MASP1: variants seen among roughly 807,000 people sequenced by gnomAD.
MASP1 encodes the protein mannan-binding lectin serine protease 1.
Under a neutral mutation model 77.1 loss-of-function variants are expected in MASP1, and 59 were observed. The observed-to-expected ratio is 0.77, with a 90% CI of 0.62 to 0.95. The LOEUF (loss-of-function observed/expected upper bound fraction) is 0.95, where lower values mean the gene tolerates loss of function less well. Ranked by LOEUF, MASP1 falls within the 40% of genes least tolerant of loss-of-function variation. The pLI is 0.00. For missense variants in MASP1, 885 were observed against 912.9 expected, an observed-to-expected ratio of 0.97 and a Z score of 0.39; for synonymous variants, 362 against 354.5, an observed-to-expected ratio of 1.02 and a Z score of -0.24.
intron 1 of MASP1, among the ~76,000 whole-genome samples, chr3:187,289,175 C>T (rs1718098269): frequency 7.1e-6 from 1 of 140,520 alleles, no homozygotes; most frequent in African/African-American, 3.0e-5. Flanking sequence ...ATTTCAGAGG[C>T]CCCCCGTAGG....
At chr3:187,280,450 G>A (rs748413678) in intron 2 of MASP1, among the ~76,000 whole-genome samples, 50 of 152,278 alleles carry the variant, frequency 3.3e-4, no homozygotes, top group Middle Eastern at 3.4e-3. Context: ...AAATTGGAAC[G>A]TGTAATCTGC....
downstream of MASP1, among the ~76,000 whole-genome samples, chr3:187,232,247 T>C (rs1009908547): frequency 1.3e-4 from 20 of 150,848 alleles, no homozygotes; most frequent in Non-Finnish European, 2.6e-4. Context: ...CCTTTTTTTT[T>C]CCTTGGGGCC....
chr3:187,253,420 G>A (rs974013295), intron 5 of MASP1, 105 bp from the exon 6 acceptor site: 2 of 1,143,526 alleles, frequency 1.7e-6, no homozygotes, highest in African/African-American at 1.5e-5. Context: ...TTTTCTGGAA[G>A]CTTCCATATG....
intron 14 of MASP1, among the ~76,000 whole-genome samples, chr3:187,221,725 C>T (rs1712071308): frequency 6.6e-6 from 1 of 152,192 alleles, no homozygotes; most frequent in Non-Finnish European, 1.5e-5. Context: ...GTTGTCCTCC[C>T]TCTCTACAGT....
intron 13 of MASP1, among the ~76,000 whole-genome samples, chr3:187,223,415 CTTG>C (rs1712187301): frequency 6.6e-6 from 1 of 152,192 alleles, no homozygotes; most frequent in African/African-American, 2.4e-5. Flanking sequence ...TACTGGCTTA[CTTG>C]TTTAGTTTTC....
chr3:187,243,404 A>G, intron 9 of MASP1, 80 bp downstream of exon 9: 2 of 1,447,436 alleles, frequency 1.4e-6, no homozygotes, highest in Non-Finnish European at 1.9e-6. Context: ...TTCCTTTCAC[A>G]GCTGTCTCGG....
At chr3:187,281,151 C>T (rs1717377016) in intron 2 of MASP1, among the ~76,000 whole-genome samples, 1 of 152,250 alleles carries the variant, frequency 6.6e-6, no homozygotes, top group Admixed American at 6.5e-5. Flanking sequence ...ATTGCAGCCA[C>T]ATGCCAAGGA....
chr3:187,235,673 A>T lies in MASP1; in HGVS notation c.*11T>A. On this transcript the variant is annotated 3_prime_UTR_variant, in exon 11 of 11. Transcript: ENST00000296280. ...GCTCAGGGGAGGCAGGCCCCGAGGAAGTAAGTCAGCTCACCGTTCCACCTG... is the reference window on the plus strand; with the variant it reads ...GCTCAGGGGAGGCAGGCCCCGAGGATGTAAGTCAGCTCACCGTTCCACCTG... The T allele has an allele frequency of 6.2e-7, 1 of 1,613,994 alleles. No individual in the cohort carries two copies. Among genetic ancestry groups the T allele is most frequent in the Non-Finnish European group, 8.5e-7 (1 of 1,180,020 alleles).
intron 9 of MASP1, 23 bp from the exon 10 acceptor site, chr3:187,241,578 G>A (rs371524482): frequency 8.8e-5 from 130 of 1,485,366 alleles, no homozygotes; most frequent in Non-Finnish European, 1.1e-4. Context: ...AAGAGGTTAG[G>A]AGAGGAGGGA....
At chr3:187,231,844 G>T (rs1182075351), downstream of MASP1, among the ~76,000 whole-genome samples, 1 of 152,238 alleles carries the variant, frequency 6.6e-6, no homozygotes, top group African/African-American at 2.4e-5. Flanking sequence ...AAAACATGGA[G>T]AACTGAACAT....
chr3:187,227,585 T>C (rs1712509704), intron 11 of MASP1, among the ~76,000 whole-genome samples: 1 of 152,140 alleles, frequency 6.6e-6, no homozygotes, highest in Non-Finnish European at 1.5e-5. Context: ...AAGTGCTTAG[T>C]CTCAGAGCAG....
intron 8 of MASP1, chr3:187,246,465 C>T (rs1714087787): frequency 1.0e-6 from 1 of 985,290 alleles, no homozygotes; most frequent in Non-Finnish European, 1.2e-6. Context: ...CTCCAGACTG[C>T]CCAGGGTTCT....
chr3:187,261,448 A>G (rs772005756), intron 3 of MASP1, among the ~76,000 whole-genome samples: 2 of 152,180 alleles, frequency 1.3e-5, no homozygotes, highest in Non-Finnish European at 2.9e-5. Flanking sequence ...GGATAAACCA[A>G]TGGCCAACAA....
In MASP1 at chr3:187,234,497, T is replaced by G; in HGVS notation, c.*1187A>C. On this transcript the variant is annotated 3_prime_UTR_variant, in exon 11 of 11. Coordinates refer to ENST00000296280, the MANE Select transcript of MASP1 (RefSeq NM_139125.4). Reference sequence around the variant, plus strand: ...AAAGAAAATGATTTTTCAAAGGTTATACAGCCAGTTGGGGGCAGAGCAGGG... The same window carrying G: ...AAAGAAAATGATTTTTCAAAGGTTAGACAGCCAGTTGGGGGCAGAGCAGGG... 7.8e-7 allele frequency: 1 copy of G among 1,286,226 alleles called. No homozygotes were observed. The highest frequency in any genetic ancestry group is 1.0e-6 in the Non-Finnish European group (1 of 987,752). The allele number at this position is 1,286,226 out of a possible 1,614,324, so 79.7% of individuals were successfully genotyped here. A position where few individuals can be genotyped will look rare whatever the true frequency, so the allele number is the denominator to read the frequency against.
chr3:187,219,650 G>C (rs1711920276), exon 16 of MASP1: 1 of 255,036 alleles, frequency 3.9e-6, no homozygotes, highest in Middle Eastern at 1.5e-3. Flanking sequence ...CGTCTGCCTG[G>C]TAGACACATC....
intron 12 of MASP1, chr3:187,226,126 A>G (rs1712411506): frequency 4.3e-6 from 2 of 461,296 alleles, no homozygotes; most frequent in South Asian, 4.1e-5. Flanking sequence ...ATTTGAAACC[A>G]CAGGTTCATG....
chr3:187,219,891 G>C (rs2108496226), exon 16 of MASP1: 2 of 670,900 alleles, frequency 3.0e-6, no homozygotes, highest in Middle Eastern at 4.0e-4. Flanking sequence ...CCACTCTCTT[G>C]CTCCATCTCT....
At chr3:187,276,369 C>G (rs575113849) in intron 2 of MASP1, among the ~76,000 whole-genome samples, 1 of 152,370 alleles carries the variant, frequency 6.6e-6, no homozygotes, top group South Asian at 2.1e-4. Context: ...GTTCTAATTA[C>G]TGCTGTACCC....
intron 5 of MASP1, 94 bp from the exon 6 acceptor site, chr3:187,253,409 G>A: frequency 7.6e-7 from 1 of 1,319,164 alleles, no homozygotes; most frequent in Admixed American, 1.7e-5. Flanking sequence ...TGCACTCTGG[G>A]TTTTCTGGAA....
Sources: gnomAD v4.1 joint callset for allele counts (sites outside exome capture counted in the v4.1 genomes callset) on GRCh38, gnomAD v4.1.1 for gene constraint, MANE v1.5 for transcripts, NCBI Gene and HGNC (gene_info 2026-07-23, HGNC 2026-07-21) for gene names.